Variants in DDR1 observed in about 807,000 individuals in gnomAD.
The protein encoded by DDR1 is discoidin domain receptor tyrosine kinase 1, also known as epithelial discoidin domain-containing receptor 1.
DDR1 carries 64 observed loss-of-function variants against 97.4 expected under a neutral mutation model. The ratio of observed to expected loss-of-function variants is 0.66; its 90% CI spans 0.54 to 0.81. The LOEUF is 0.81. DDR1 is among the 30% of genes least tolerant of loss of function. The probability of loss-of-function intolerance (pLI) is 0.00; values close to 1 mark genes in which losing one functional copy is unlikely to be tolerated. For missense variants in DDR1, 990 were observed against 1,259.6 expected (o/e 0.79, Z 3.24); for synonymous variants, 458 against 503.7 (o/e 0.91, Z 1.21).
In DDR1 at chr6:30,890,693, T is replaced by C. The variant is rs1168787210; in HGVS notation, c.418-280T>C. ...GGAGAATCTGGGCACAATGGGATGA[T>C]AGGCTTGGAGACAAATGGATGGAGC... On this transcript the variant is annotated intron_variant, in intron 4 of 17. Transcript: ENST00000376568. The surrounding 1 kb of genome is among the most constrained non-coding windows in gnomAD (Gnocchi z 5.0). The C allele has an allele frequency of 9.5e-6, 4 of 422,144 alleles. No homozygotes were observed. Among genetic ancestry groups the C allele is most frequent in the African/African-American group, 2.0e-5 (1 of 48,938 alleles). The allele number at this position is 422,144 out of a possible 1,614,324, so 26.1% of individuals were successfully genotyped here.
At position 30,893,390 on chromosome 6, in the gene DDR1, C is replaced by T; in HGVS notation, c.1314C>T (p.Leu438=). ...LLLLLIIALM[L]WRLHWRRLLS... ...TGCTGCTCATCATTGCCCTCATGCT[C>T]TGGCGGCTGCACTGGCGCAGGCTCC... Residue 438 remains leucine (L), a synonymous_variant, in exon 10 of 18, where the codon CTC becomes CTT. Coordinates refer to ENST00000376568, the MANE Select transcript of DDR1 (RefSeq NM_001297654.2). The T allele has an allele frequency of 6.2e-7, 1 of 1,606,838 alleles. No individual in the cohort carries two copies. Among genetic ancestry groups the T allele is most frequent in the Non-Finnish European group, 8.5e-7 (1 of 1,179,798 alleles).
At position 30,892,275 on chromosome 6, in the gene DDR1, GC is replaced by G. The variant is rs1788721438; in HGVS notation, c.853-18del. On this transcript the variant is annotated intron_variant, in intron 7 of 17. Transcript: ENST00000376568. The stretch of plus-strand genomic sequence containing the variant: ...CCACCACTCCTAGCCTTGACCCTGT[GC>G]CCTCTTCCCTTCCCCCCAGGTCCAC... The G allele has an allele frequency of 6.3e-7, 1 of 1,583,894 alleles. No individual in the cohort carries two copies. Among genetic ancestry groups the G allele is most frequent in the Non-Finnish European group, 8.6e-7 (1 of 1,162,150 alleles).
chr6:30,885,356 T>C (rs1785412196), intron 1 of DDR1: 1 of 1,216,818 alleles, frequency 8.2e-7, no homozygotes, highest in Non-Finnish European at 1.2e-6. Context: ...GGCCTGTAGG[T>C]GTGTCCAGGA....
At chr6:30,898,811 G>T in intron 16 of DDR1, 77 bp from the exon 17 acceptor site, 1 of 1,496,478 alleles carries the variant, frequency 6.7e-7, no homozygotes, top group Admixed American at 1.8e-5. Context: ...GTGGATCTGG[G>T]GCTTCCAATA....
At chr6:30,896,493 C>A in intron 12 of DDR1, 128 bp from the exon 13 acceptor site, 1 of 1,199,060 alleles carries the variant, frequency 8.3e-7, no homozygotes, top group African/African-American at 1.5e-5. Context: ...TGGGAAGATA[C>A]AGCATAGACC....
At chr6:30,885,179 C>T in intron 1 of DDR1, 2 of 1,529,212 alleles carry the variant, frequency 1.3e-6, no homozygotes, top group Non-Finnish European at 1.8e-6. Flanking sequence ...AGTGACACCA[C>T]TCTTCCCGGC....
upstream of DDR1, chr6:30,881,248 G>A (rs555364690): frequency 6.5e-6 from 1 of 152,790 alleles, no homozygotes; most frequent in East Asian, 1.9e-4. Flanking sequence ...TTGGGAGGAG[G>A]GGAGCGGCCC....
At chr6:30,893,046 T>C (rs773655721) in intron 8 of DDR1, 22 bp from the exon 9 acceptor site, 2 of 1,601,024 alleles carry the variant, frequency 1.2e-6, no homozygotes, top group South Asian at 2.2e-5. Context: ...CTCCCTCCTT[T>C]CTTTTTGTTC....
chr6:30,885,474 C>T, intron 1 of DDR1: 1 of 928,772 alleles, frequency 1.1e-6, no homozygotes, highest in East Asian at 2.7e-5. Context: ...GTTCCCTGCC[C>T]CCTCGACGTC....
At chr6:30,895,287 T>A in intron 11 of DDR1, 117 bp from the exon 12 acceptor site, 1 of 706,136 alleles carries the variant, frequency 1.4e-6, no homozygotes, top group South Asian at 1.9e-5. Flanking sequence ...TTATCCTGTC[T>A]GTCTCTTAAT....
In DDR1 at chr6:30,892,044, G is replaced by A; in HGVS notation, c.708G>A (p.Val236=). 2 of 1,614,128 alleles carry A rather than the reference G, an allele frequency of 1.2e-6. No individual in the cohort carries two copies. The highest frequency in any genetic ancestry group is 2.2e-5 in the South Asian group (2 of 91,088). The change falls in exon 7 of 18, where the codon GTG becomes GTA. Residue 236 remains valine (V), a synonymous_variant. Coordinates refer to ENST00000376568, the MANE Select transcript of DDR1 (RefSeq NM_001297654.2). ...TGGGCCAGCTGGCAGATGGTGTGGTGGGGCTGGATGACTTTAGGAAGAGTC... is the reference window on the plus strand; with the variant it reads ...TGGGCCAGCTGGCAGATGGTGTGGTAGGGCTGGATGACTTTAGGAAGAGTC... The part of the protein sequence containing the change: ...GGLGQLADGV[V]GLDDFRKSQE...
rs749990473 is a variant in DDR1, at chr6:30,892,145, T to C, written c.809T>C (p.Met270Thr). ...NHSFSSGYVEMEFEFDRLRAF... is the reference protein window; with the variant it reads ...NHSFSSGYVETEFEFDRLRAF... ...AGCTTCTCCAGTGGCTATGTGGAGA[T>C]GGAGTTTGAGTTTGACCGGCTGAGG... The change falls in exon 7 of 18, where the codon ATG (methionine) becomes ACG (threonine). Residue 270 changes from methionine to threonine, a missense_variant. Coordinates refer to ENST00000376568, the MANE Select transcript of DDR1 (RefSeq NM_001297654.2). 22 of 1,613,974 alleles carry C rather than the reference T, an allele frequency of 1.4e-5. No individual in the cohort carries two copies. In the South Asian group the frequency reaches 1.6e-4, roughly 12 times the overall value.
rs1021011202 is a variant in DDR1, at chr6:30,890,395, C to T, written c.418-578C>T. 6.6e-6 allele frequency: 1 copy of T among 152,566 alleles called. No individual in the cohort carries two copies. Among genetic ancestry groups the T allele is most frequent in the Non-Finnish European group, 1.5e-5 (1 of 68,340 alleles). 9.5% of individuals were successfully genotyped at this position (152,566 alleles called of 1,614,324 possible). A position where few individuals can be genotyped will look rare whatever the true frequency, so the allele number is the denominator to read the frequency against. The stretch of plus-strand genomic sequence containing the variant: ...TCCCCTAAATAACCACAGGCTCTCC[C>T]TCACTCCATTCAGTTCTCTGCCAGG... On this transcript the variant is annotated intron_variant, in intron 4 of 17. Transcript: ENST00000376568. This position sits in a 1 kb window ranked among gnomAD's most constrained non-coding sequence, Gnocchi z 5.0.
chr6:30,892,307 C>A lies in DDR1; in HGVS notation c.864C>A (p.Asn288Lys), dbSNP rs1788747776. The A allele has an allele frequency of 1.3e-6, 2 of 1,574,188 alleles. No individual in the cohort carries two copies. Among genetic ancestry groups the A allele is most frequent in the Admixed American group, 1.7e-5 (1 of 57,756 alleles). ...TCCCTTCCCCCCAGGTCCACTGTAA[C>A]AACATGCACACGCTGGGAGCCCGTC... is the stretch of plus-strand genomic sequence containing the variant. Reference protein sequence around the residue: ...RAFQAMQVHCNNMHTLGARLP... With the variant: ...RAFQAMQVHCKNMHTLGARLP... The change falls in exon 8 of 18, where the codon AAC becomes AAA. Residue 288 changes from asparagine to lysine, a missense_variant. Coordinates refer to ENST00000376568, the MANE Select transcript of DDR1 (RefSeq NM_001297654.2).
chr6:30,899,530 C>T lies in DDR1; in HGVS notation c.*234C>T, dbSNP rs897941036. 5.0e-5 allele frequency: 29 copies of T among 577,830 alleles called. No homozygotes were observed. The highest frequency in any genetic ancestry group is 6.5e-5 in the Admixed American group (2 of 30,592). 35.8% of individuals were successfully genotyped at this position (577,830 alleles called of 1,614,324 possible). On this transcript the variant is annotated 3_prime_UTR_variant, in exon 18 of 18. Transcript: ENST00000376568. ...GTTCTTCCTTCCTAGAAGCCCCTGT[C>T]GCCCACCCAGCTGGTCCTGTGGATG...
At position 30,892,421 on chromosome 6, in the gene DDR1, G is replaced by C. The variant is rs746776847; in HGVS notation, c.978G>C (p.Leu326=). The C allele has an allele frequency of 1.2e-6, 2 of 1,605,382 alleles. No individual in the cohort carries two copies. Among genetic ancestry groups the C allele is most frequent in the African/African-American group, 2.7e-5 (2 of 74,892 alleles). The change falls in exon 8 of 18, where the codon CTG becomes CTC. Residue 326 remains leucine (L), a synonymous_variant. Coordinates refer to ENST00000376568, the MANE Select transcript of DDR1 (RefSeq NM_001297654.2). ...EPMRHNLGGN[L]GDPRARAVSV... is the part of the protein sequence containing the mutation. ...TGCGCCACAACCTAGGGGGCAACCT[G>C]GGGGACCCCAGAGCCCGGGCTGTCT...
intron 1 of DDR1, chr6:30,885,812 G>GT: frequency 7.8e-7 from 1 of 1,289,930 alleles, no homozygotes. Flanking sequence ...AGCCAGTTCA[G>GT]TAAGTTTGTG....
intron 17 of DDR1, 43 bp downstream of exon 17, chr6:30,899,080 A>G: frequency 6.2e-7 from 1 of 1,614,154 alleles, no homozygotes; most frequent in South Asian, 1.1e-5. Flanking sequence ...GGCGGGGGAC[A>G]GAAGGGGCAG....
rs564497322 is a variant in DDR1, at chr6:30,891,044, G to T, written c.489G>T (p.Leu163=). 1.9e-6 allele frequency: 3 copies of T among 1,612,950 alleles called. No homozygotes were observed. Among genetic ancestry groups the T allele is most frequent in the Non-Finnish European group, 2.5e-6 (3 of 1,180,030 alleles). The part of the protein sequence containing the change: ...KDLGPPMVAR[L]VRFYPRADRV... The stretch of plus-strand genomic sequence containing the variant: ...TTGGGCCCCCCATGGTTGCCCGACT[G>T]GTTCGCTTCTACCCCCGGGCTGACC... Residue 163 remains leucine, a synonymous_variant, in exon 5 of 18, where the codon CTG becomes CTT. Coordinates refer to ENST00000376568, the MANE Select transcript of DDR1 (RefSeq NM_001297654.2). This position sits in a 1 kb window ranked among gnomAD's most constrained non-coding sequence, Gnocchi z 5.3.
Sources: gnomAD v4.1 joint callset for allele counts on GRCh38, gnomAD v4.1.1 for gene constraint, Gnocchi (gnomAD v3.1) non-coding constraint, MANE v1.5 for transcripts, NCBI Gene and HGNC (gene_info 2026-07-23, HGNC 2026-07-21) for gene names.